Variants in UBR4 observed in about 807,000 individuals in gnomAD.
UBR4 encodes the protein ubiquitin protein ligase E3 component n-recognin 4.
UBR4 carries 124 observed loss-of-function variants against 575.6 expected under a neutral mutation model. The observed-to-expected ratio is 0.22, with a 90% CI of 0.19 to 0.25. The LOEUF (loss-of-function observed/expected upper bound fraction) is 0.25, where lower values mean the gene tolerates loss of function less well. UBR4 is among the 10% of genes least tolerant of loss of function. UBR4 has a pLI of 1.00. For missense variants in UBR4, 4,818 were observed against 6,478.8 expected, an observed-to-expected ratio of 0.74 and a Z score of 8.80; for synonymous variants, 2,455 against 2,473.7, an observed-to-expected ratio of 0.99 and a Z score of 0.22.
chr1:19,075,484 C>CTAAG (rs2148333567), intron 105 of UBR4: 1 of 162,902 alleles, frequency 6.1e-6, no homozygotes, highest in South Asian at 1.7e-4. Flanking sequence ...GAGGCATGTG[C>CTAAG]TAAGGTATGA....
chr1:19,163,848 A>T, intron 33 of UBR4, 21 bp from the exon 34 acceptor site: 1 of 1,613,572 alleles, frequency 6.2e-7, no homozygotes, highest in Non-Finnish European at 8.5e-7. Flanking sequence ...GAAAAAAAAG[A>T]GGGGAAAGAG....
At chr1:19,134,937 G>C (rs2083027316) in intron 60 of UBR4, among the ~76,000 whole-genome samples, 1 of 152,158 alleles carries the variant, frequency 6.6e-6, no homozygotes, top group Non-Finnish European at 1.5e-5. Context: ...AATAGCTGCT[G>C]AGAATATAGT....
At chr1:19,075,120 G>T (rs2075796260) in intron 105 of UBR4, 2 of 580,304 alleles carry the variant, frequency 3.4e-6, no homozygotes, top group African/African-American at 1.9e-5. Context: ...AGGTGTTTTT[G>T]TTCTCACATT....
intron 91 of UBR4, 49 bp from the exon 92 acceptor site, chr1:19,096,699 G>A (rs2148959354): frequency 6.2e-7 from 1 of 1,606,100 alleles, no homozygotes; most frequent in East Asian, 2.2e-5. Flanking sequence ...GGTGAAGATG[G>A]GAATAAAATA....
In UBR4 at chr1:19,174,430, GA is replaced by G; in HGVS notation, c.2870del (p.Phe957SerfsTer14). 1 of 1,610,212 alleles carries G rather than the reference GA, an allele frequency of 6.2e-7. No homozygotes were observed. On this transcript the variant is annotated frameshift_variant, in exon 22 of 106. Transcript: ENST00000375254. LOFTEE classifies it high-confidence loss of function. ...RLDSVACDVL[F>X]SKLVKYDELY... is the part of the protein sequence containing the mutation. ...GCTCATCATACTTGACAAGCTTGGA[GA>G]AAAGGACGTCACATGCCTGACATCA... is the stretch of plus-strand genomic sequence containing the variant.
Position 19,198,899 on chromosome 1 carries a change from C to T in UBR4, c.408G>A (p.Leu136=). 1 of 1,614,174 alleles carries T rather than the reference C, an allele frequency of 6.2e-7. No individual in the cohort carries two copies. Among genetic ancestry groups the T allele is most frequent in the Non-Finnish European group, 8.5e-7 (1 of 1,180,038 alleles). The change falls in exon 4 of 106, where the codon CTG becomes CTA. Residue 136 remains leucine, a synonymous_variant. Coordinates refer to ENST00000375254, the MANE Select transcript of UBR4 (RefSeq NM_020765.3). The part of the protein sequence containing the change: ...QKHLILLIKG[L]CTGCSRLDRT... ...TATCTAGTCGGCTACAGCCAGTGCA[C>T]AGGCCCTTGATTAGGAGAATCAAGT... is the stretch of plus-strand genomic sequence containing the variant.
chr1:19,114,714 G>A, intron 75 of UBR4, 97 bp downstream of exon 75: 2 of 1,493,966 alleles, frequency 1.3e-6, no homozygotes, highest in South Asian at 1.3e-5. Flanking sequence ...GTCGAAGAAG[G>A]CTTAGGCTAG....
intron 11 of UBR4, among the ~76,000 whole-genome samples, chr1:19,187,867 C>A (rs1022837500): frequency 6.6e-6 from 1 of 151,818 alleles, no homozygotes. Flanking sequence ...AATTTTAGAC[C>A]AGCTTGGCAA....
rs567170764 is a variant in UBR4 at position 19,093,077 on chromosome 1, A to G, written c.14112-159T>C. Among the ~76,000 whole-genome samples the G allele has an allele frequency of 1.3e-5, 2 of 152,328 alleles. No homozygotes were observed. The highest frequency in any genetic ancestry group is 2.9e-5 in the Non-Finnish European group (2 of 68,034). On this transcript the variant is annotated intron_variant, in intron 96 of 105. Transcript: ENST00000375254. This position sits in a 1 kb window ranked among gnomAD's most constrained non-coding sequence, Gnocchi z 4.8. ...CATAGAACCACCCAGCTCAGCTGAA[A>G]AGCCAGAAAGAAGTGAGTACTCTAA...
At chr1:19,209,554 C>T (rs993865219) in intron 1 of UBR4, among the ~76,000 whole-genome samples, 2 of 152,092 alleles carry the variant, frequency 1.3e-5, no homozygotes, top group African/African-American at 4.8e-5. Context: ...AATCAAAGAC[C>T]GATACAGTAG....
intron 94 of UBR4, among the ~76,000 whole-genome samples, chr1:19,094,387 C>T (rs1489215078): frequency 1.3e-5 from 2 of 152,192 alleles, no homozygotes; most frequent in Non-Finnish European, 2.9e-5. Context: ...AATCTTCCCT[C>T]CCTGTAAAAG....
chr1:19,138,671 T>C (rs2083460659), intron 59 of UBR4, among the ~76,000 whole-genome samples: 1 of 150,296 alleles, frequency 6.7e-6, no homozygotes, highest in African/African-American at 2.5e-5. Flanking sequence ...ATAAGATCGC[T>C]TAAAAAAAAA....
At chr1:19,147,379 AC>A (rs2085013977) in intron 51 of UBR4, among the ~76,000 whole-genome samples, 1 of 152,146 alleles carries the variant, frequency 6.6e-6, no homozygotes, top group South Asian at 2.1e-4. Context: ...GGTTAAACTC[AC>A]ATTTCTCAGT....
At chr1:19,188,136 C>A (rs1184438646) in intron 11 of UBR4, among the ~76,000 whole-genome samples, 1 of 151,914 alleles carries the variant, frequency 6.6e-6, no homozygotes, top group Non-Finnish European at 1.5e-5. Flanking sequence ...CAGTTCAAGG[C>A]TAATGGGTTA....
At chr1:19,176,795 G>GT in intron 19 of UBR4, 68 bp from the exon 20 acceptor site, 1 of 1,558,816 alleles carries the variant, frequency 6.4e-7, no homozygotes, top group South Asian at 1.1e-5. Context: ...ACTCAGGCAT[G>GT]ATAATAGCTC....
At chr1:19,182,617 A>G (rs2091101159) in intron 17 of UBR4, among the ~76,000 whole-genome samples, 1 of 152,174 alleles carries the variant, frequency 6.6e-6, no homozygotes. Flanking sequence ...CTTTCTCCAC[A>G]TCCTCACCAA....
chr1:19,137,289 GAC>G (rs2083304734), intron 60 of UBR4, among the ~76,000 whole-genome samples: 1 of 147,586 alleles, frequency 6.8e-6, no homozygotes, highest in Non-Finnish European at 1.5e-5. Flanking sequence ...GACAGAGGGA[GAC>G]AGTCTCGAAA....
At chr1:19,196,103 A>G (rs987128799) in intron 8 of UBR4, among the ~76,000 whole-genome samples, 2 of 151,904 alleles carry the variant, frequency 1.3e-5, no homozygotes, top group Non-Finnish European at 2.9e-5. Flanking sequence ...CCGAGATCCT[A>G]CCTGACTTAA....
At chr1:19,123,154 T>G (rs2081354440) in intron 65 of UBR4, 94 bp from the exon 66 acceptor site, 2 of 1,393,326 alleles carry the variant, frequency 1.4e-6, no homozygotes, top group Admixed American at 4.1e-5. Context: ...TAAACTGTTA[T>G]TAAAAGCTGG....
Sources: allele counts gnomAD v4.1 joint callset (sites outside exome capture counted in the v4.1 genomes callset), GRCh38; gene constraint gnomAD v4.1.1; non-coding constraint Gnocchi (gnomAD v3.1); transcripts MANE v1.5; gene names NCBI Gene and HGNC (gene_info 2026-07-23, HGNC 2026-07-21).